USH2A: variants seen among roughly 807,000 people sequenced by gnomAD.
USH2A encodes the protein Usher syndrome 2A (autosomal recessive, mild).
Under a neutral mutation model 538.9 loss-of-function variants are expected in USH2A, and 443 were observed. The ratio of observed to expected loss-of-function variants is 0.82; its 90% CI spans 0.76 to 0.89. USH2A has a LOEUF of 0.89. Ranked by LOEUF, USH2A falls within the 40% of genes least tolerant of loss-of-function variation. The pLI, the probability that USH2A is intolerant of heterozygous loss-of-function variation, is 0.00. For missense variants in USH2A, 6,633 were observed against 6,324.8 expected (o/e 1.05, Z -1.65); for synonymous variants, 2,413 against 2,273.5 (o/e 1.06, Z -1.75).
intron 21 of USH2A, among the ~76,000 whole-genome samples, chr1:216,167,242 G>A (rs188121476): frequency 2.0e-5 from 3 of 152,012 alleles, no homozygotes; most frequent in Non-Finnish European, 4.4e-5. Context: ...CCCCCACAAC[G>A]CCCCACCAGA....
intron 11 of USH2A, among the ~76,000 whole-genome samples, chr1:216,271,637 T>A (rs2036578944): frequency 6.6e-6 from 1 of 152,106 alleles, no homozygotes; most frequent in African/African-American, 2.4e-5. Context: ...GTTAACATAA[T>A]ATTAGCTATA....
chr1:216,174,899 A>T (rs969988217), intron 21 of USH2A: 1 of 1,120,872 alleles, frequency 8.9e-7, no homozygotes, highest in Non-Finnish European at 1.1e-6. Context: ...CTCCAATAGC[A>T]TGAGGGCATT....
chr1:216,205,761 C>T (rs747174786), intron 16 of USH2A, among the ~76,000 whole-genome samples: 98 of 152,166 alleles, frequency 6.4e-4, no homozygotes, highest in African/African-American at 2.1e-3. Context: ...ATTGCTGTTC[C>T]GAGGTTTCTT....
intron 61 of USH2A, among the ~76,000 whole-genome samples, chr1:215,688,791 C>T (rs34864926): frequency 0.2 from 30,493 of 151,892 alleles, 3,320 homozygotes; most frequent in Non-Finnish European, 0.23. Context: ...TTCCTAGAGG[C>T]CCTATCTCCA....
intron 43 of USH2A, among the ~76,000 whole-genome samples, chr1:215,868,961 G>A (rs1321507149): frequency 6.6e-6 from 1 of 152,176 alleles, no homozygotes; most frequent in African/African-American, 2.4e-5. Flanking sequence ...GTTGTTTCAA[G>A]CCACCCAGTA....
chr1:215,694,709 C>T (rs1410101094), intron 61 of USH2A, among the ~76,000 whole-genome samples: 1 of 152,192 alleles, frequency 6.6e-6, no homozygotes, highest in African/African-American at 2.4e-5. Flanking sequence ...TCTAGTGTAT[C>T]TGTCTCTTCA....
At chr1:215,977,054 A>G (rs77102177) in intron 35 of USH2A, among the ~76,000 whole-genome samples, 1 of 151,600 alleles carries the variant, frequency 6.6e-6, no homozygotes, top group African/African-American at 2.4e-5. Flanking sequence ...AACAACAAAC[A>G]AGCAAAACAC....
intron 37 of USH2A, 140 bp downstream of exon 37, chr1:215,965,177 A>C (rs1667307352): frequency 2.1e-6 from 2 of 951,812 alleles, no homozygotes; most frequent in Admixed American, 5.3e-5. Flanking sequence ...GCAGTAGCTT[A>C]TCCGTATAGG....
At chr1:215,761,522 T>G (rs1327149658) in intron 56 of USH2A, among the ~76,000 whole-genome samples, 1 of 152,216 alleles carries the variant, frequency 6.6e-6, no homozygotes, top group Non-Finnish European at 1.5e-5. Context: ...CTCTGTCTTA[T>G]TCGTCAATGT....
At position 216,421,048 on chromosome 1, in the gene USH2A, T is replaced by C. The variant is rs144892351; in HGVS notation, c.485+804A>G. ...AAGATAAGCAAAAATTCCTCAAAAC[T>C]GTCCTGTATATTAAAATCTCCAGGT... On this transcript the variant is annotated intron_variant, in intron 2 of 71. Transcript: ENST00000307340. Among the ~76,000 whole-genome samples the C allele has an allele frequency of 2.7e-3, 413 of 152,186 alleles. 2 individuals are homozygous for C. The highest frequency in any genetic ancestry group is 9.2e-3 in the African/African-American group (384 of 41,558).
At chr1:216,280,758 G>T (rs1571654808) in intron 11 of USH2A, among the ~76,000 whole-genome samples, 1 of 152,108 alleles carries the variant, frequency 6.6e-6, no homozygotes, top group African/African-American at 2.4e-5. Context: ...TATGAGATTG[G>T]ATTGAGTTTC....
intron 71 of USH2A, 60 bp from the exon 72 acceptor site, chr1:215,625,930 A>T: frequency 2.7e-6 from 4 of 1,478,182 alleles, no homozygotes; most frequent in Non-Finnish European, 3.8e-6. Context: ...TTTGCTATCA[A>T]TTTATAGTTA....
chr1:216,079,892 G>C (rs2031879427), intron 26 of USH2A: 1 of 151,994 alleles, frequency 6.6e-6, no homozygotes, highest in African/African-American at 2.4e-5. Context: ...ATTAGGACCT[G>C]GTAAAAAAGG....
At chr1:216,391,957 T>C (rs2039116480) in intron 3 of USH2A, among the ~76,000 whole-genome samples, 1 of 152,184 alleles carries the variant, frequency 6.6e-6, no homozygotes, top group Non-Finnish European at 1.5e-5. Context: ...GTTAAATCTC[T>C]CTATGCCTCA....
At chr1:215,700,289 CA>C (rs1315987852) in intron 61 of USH2A, among the ~76,000 whole-genome samples, 1 of 152,064 alleles carries the variant, frequency 6.6e-6, no homozygotes, top group Non-Finnish European at 1.5e-5. Context: ...GTGTCTCTGC[CA>C]GGTTTTGGTA....
chr1:215,674,623 T>C lies in USH2A; in HGVS notation c.13288A>G (p.Thr4430Ala). 1 of 1,614,172 alleles carries C rather than the reference T, an allele frequency of 6.2e-7. No homozygotes were observed. The highest frequency in any genetic ancestry group is 8.5e-7 in the Non-Finnish European group (1 of 1,180,032). Residue 4430 changes from threonine (T) to alanine (A), a missense_variant, in exon 63 of 72, where the codon ACA becomes GCA. By Grantham distance (58) the Thr-to-Ala change is moderately conservative (BLOSUM62 0). Coordinates refer to ENST00000307340, the MANE Select transcript of USH2A (RefSeq NM_206933.4). ...SLVACTNGGC[T>A]ASVSKSAWTM... ...CAGGCAGATTTTGACACACTAGCTG[T>C]GCAACCTCCATTCGTGCAGGCTACA...
rs2036056844 is a variant in USH2A, at chr1:216,246,794, T to G, written c.2600A>C (p.Gln867Pro). The change falls in exon 13 of 72, where the codon CAA (glutamine) becomes CCA (proline). Residue 867 changes from glutamine (Q) to proline (P), a missense_variant. By Grantham distance (76) the Gln-to-Pro change is moderately conservative. Coordinates refer to ENST00000307340, the MANE Select transcript of USH2A (RefSeq NM_206933.4). ...GSLLCNKSTG[Q>P]CPCKLGVTGL... ...TGTTACCCCTAATTTGCAAGGACATTGTCCTGTTGATTTGTTACACAGCAG... is the reference window on the plus strand; with the variant it reads ...TGTTACCCCTAATTTGCAAGGACATGGTCCTGTTGATTTGTTACACAGCAG... 6.2e-7 allele frequency: 1 copy of G among 1,614,160 alleles called. No individual in the cohort carries two copies. Among genetic ancestry groups the G allele is most frequent in the Non-Finnish European group, 8.5e-7 (1 of 1,179,982 alleles).
chr1:216,105,458 AT>A (rs1409650529), intron 21 of USH2A, among the ~76,000 whole-genome samples: 2 of 152,082 alleles, frequency 1.3e-5, no homozygotes, highest in African/African-American at 4.8e-5. Flanking sequence ...TTTAATTGAC[AT>A]TGGAAGTCTG....
intron 11 of USH2A, 37 bp downstream of exon 11, chr1:216,289,243 G>A: frequency 6.2e-7 from 1 of 1,613,316 alleles, no homozygotes; most frequent in Non-Finnish European, 8.5e-7. Flanking sequence ...CTGGCAGACA[G>A]AGTAATCCTT....
Sources: allele counts gnomAD v4.1 joint callset (sites outside exome capture counted in the v4.1 genomes callset), GRCh38; gene constraint gnomAD v4.1.1; transcripts MANE v1.5; gene names NCBI Gene and HGNC (gene_info 2026-07-23, HGNC 2026-07-21).